FGD5: variants seen among roughly 807,000 people sequenced by gnomAD.
FGD5 encodes the protein FYVE, RhoGEF and PH domain containing 5.
Under a neutral mutation model 133.4 loss-of-function variants are expected in FGD5, and 28 were observed. The observed-to-expected ratio is 0.21, with a 90% CI of 0.16 to 0.29. The LOEUF is 0.29. Among genes scored for constraint, FGD5 ranks in the 10% least tolerant of loss-of-function variants. FGD5 has a pLI of 1.00. For synonymous variants in FGD5, 810 were observed against 776.5 expected (o/e 1.04, Z -0.72); for missense variants, 1,858 against 1,895.2 (o/e 0.98, Z 0.36).
intron 19 of FGD5, 125 bp from the exon 20 acceptor site, chr3:14,933,006 C>A: frequency 3.4e-6 from 4 of 1,179,916 alleles, no homozygotes; most frequent in Non-Finnish European, 4.9e-6. Flanking sequence ...GAAACAAATA[C>A]AATTACGACA....
intron 13 of FGD5, among the ~76,000 whole-genome samples, chr3:14,919,385 G>A (rs1485520664): frequency 6.6e-6 from 1 of 152,218 alleles, no homozygotes; most frequent in Non-Finnish European, 1.5e-5. Context: ...TTGGGAGGCC[G>A]AGGCGGATGG....
chr3:14,859,292 C>T (rs928830015), intron 1 of FGD5, among the ~76,000 whole-genome samples: 1 of 152,218 alleles, frequency 6.6e-6, no homozygotes, highest in Admixed American at 6.5e-5. Flanking sequence ...CACAGTGGCT[C>T]GTGCCTGTAA....
rs1189337376 is a variant in FGD5 at position 14,897,658 on chromosome 3, G to A, written c.2898G>A (p.Arg966=). ...HQGILEELEE[R]LSNWESQQKV... is the part of the protein sequence containing the mutation. ...GCATCCTGGAGGAGCTGGAGGAAAG[G>A]CTGTCAAATTGGTGAGCAGTCCCTG... The change falls in exon 5 of 20, where the codon AGG becomes AGA. Residue 966 remains arginine, a synonymous_variant. Transcript: ENST00000285046. The A allele has an allele frequency of 3.1e-6, 5 of 1,603,498 alleles. No homozygotes were observed. Among genetic ancestry groups the A allele is most frequent in the African/African-American group, 2.7e-5 (2 of 74,646 alleles).
intron 1 of FGD5, among the ~76,000 whole-genome samples, chr3:14,837,652 A>G (rs2036842972): frequency 6.6e-6 from 1 of 152,098 alleles, no homozygotes. Flanking sequence ...AAGTATTTGC[A>G]GGCTTTCTGA....
chr3:14,880,935 A>G (rs2037813347), intron 4 of FGD5, among the ~76,000 whole-genome samples, 163 bp downstream of exon 4: 1 of 152,208 alleles, frequency 6.6e-6, no homozygotes, highest in Non-Finnish European at 1.5e-5. Flanking sequence ...TCTCCTGATT[A>G]ATGTGCTTCC....
At chr3:14,916,152 G>T (rs1311536697) in intron 11 of FGD5, among the ~76,000 whole-genome samples, 1 of 152,220 alleles carries the variant, frequency 6.6e-6, no homozygotes, top group Non-Finnish European at 1.5e-5. Context: ...GTTAATGTTG[G>T]TCACATATAG....
intron 11 of FGD5, among the ~76,000 whole-genome samples, chr3:14,913,946 C>G (rs898877319): frequency 7.3e-6 from 1 of 137,436 alleles, no homozygotes; most frequent in African/African-American, 2.7e-5. Flanking sequence ...TCCCCACACT[C>G]CCCCCGTCTG....
At chr3:14,866,203 C>T (rs1229159822) in intron 2 of FGD5, among the ~76,000 whole-genome samples, 2 of 152,158 alleles carry the variant, frequency 1.3e-5, no homozygotes, top group Non-Finnish European at 2.9e-5. Flanking sequence ...GCCAGTCATT[C>T]CCCATCTCTG....
chr3:14,930,211 A>G (rs529519337), intron 18 of FGD5, among the ~76,000 whole-genome samples: 9 of 152,280 alleles, frequency 5.9e-5, no homozygotes, highest in African/African-American at 2.2e-4. Context: ...ATATTTACCA[A>G]TCCTTATGCC....
rs371894032 is a variant in FGD5, at chr3:14,820,162, C to T, written c.1091C>T (p.Pro364Leu). 1 of 1,614,014 alleles carries T rather than the reference C, an allele frequency of 6.2e-7. No homozygotes were observed. Among genetic ancestry groups the T allele is most frequent in the African/African-American group, 1.3e-5 (1 of 75,054 alleles). ...STSFCSESCSPLSESAKGLES... is the reference protein window; with the variant it reads ...STSFCSESCSLLSESAKGLES... ...TCTTTTTGCAGCGAGAGCTGTTCTC[C>T]TCTTTCTGAATCAGCGAAAGGTTTA... The change falls in exon 1 of 20, where the codon CCT (proline) becomes CTT (leucine). Residue 364 changes from proline (P) to leucine (L), a missense_variant. Pro to Leu is a moderately conservative substitution (Grantham distance 98). Transcript: ENST00000285046.
intron 1 of FGD5, among the ~76,000 whole-genome samples, chr3:14,862,033 A>G (rs2037407729): frequency 6.6e-6 from 1 of 152,068 alleles, no homozygotes; most frequent in African/African-American, 2.4e-5. Flanking sequence ...TGTGCTAGAG[A>G]TGCTAGATGT....
intron 7 of FGD5, among the ~76,000 whole-genome samples, chr3:14,899,058 AC>A (rs1476571460): frequency 2.7e-5 from 4 of 150,812 alleles, no homozygotes; most frequent in Non-Finnish European, 4.4e-5. Context: ...AAACACAAAA[AC>A]CCAACGACAC....
At chr3:14,906,658 TG>T (rs2038348164) in intron 9 of FGD5, among the ~76,000 whole-genome samples, 1 of 152,258 alleles carries the variant, frequency 6.6e-6, no homozygotes, top group Admixed American at 6.5e-5. Context: ...TACTCTAAAC[TG>T]GCACCAGCCC....
At chr3:14,833,527 C>A (rs2036758275) in intron 1 of FGD5, among the ~76,000 whole-genome samples, 1 of 152,168 alleles carries the variant, frequency 6.6e-6, no homozygotes, top group Non-Finnish European at 1.5e-5. Context: ...AGTGAGCTCC[C>A]CATCATGATC....
chr3:14,888,634 A>G (rs1038147607), intron 4 of FGD5, among the ~76,000 whole-genome samples: 1 of 152,270 alleles, frequency 6.6e-6, no homozygotes, highest in Non-Finnish European at 1.5e-5. Context: ...AGATTAGAGT[A>G]GCGCCCTTCA....
At position 14,922,503 on chromosome 3, in the gene FGD5, C is replaced by T. The variant is rs377189299; in HGVS notation, c.3762C>T (p.Asp1254=). 2.7e-5 allele frequency: 43 copies of T among 1,582,912 alleles called. No individual in the cohort carries two copies. In the African/African-American group the frequency reaches 5.8e-4, roughly 21 times the overall value. ...HVMMCMNCGC[D]FSLTLRRHHC... is the part of the protein sequence containing the mutation. ...TGATGTGCATGAACTGCGGCTGCGA[C>T]TTCTCCCTCACCCTGCGGCGTCATC... The change falls in exon 15 of 20, where the codon GAC becomes GAT. Residue 1254 remains aspartate (D), a synonymous_variant. Transcript: ENST00000285046. The surrounding 1 kb of genome is among the most constrained non-coding windows in gnomAD (Gnocchi z 4.1).
At chr3:14,883,057 G>A (rs2037857047) in intron 4 of FGD5, among the ~76,000 whole-genome samples, 1 of 152,154 alleles carries the variant, frequency 6.6e-6, no homozygotes, top group Admixed American at 6.5e-5. Context: ...ATTGTTGTTG[G>A]GGGCGCGGAG....
intron 12 of FGD5, 111 bp from the exon 13 acceptor site, chr3:14,918,643 A>T: frequency 9.4e-7 from 1 of 1,058,854 alleles, no homozygotes; most frequent in Non-Finnish European, 1.4e-6. Flanking sequence ...CTGAGGCTAG[A>T]GAACGGCAGT....
intron 1 of FGD5, among the ~76,000 whole-genome samples, chr3:14,812,010 GTGTGTGTGTGTGTGTGTGTGTATGTA>G (rs2036302121): frequency 1.1e-5 from 1 of 89,542 alleles, no homozygotes; most frequent in African/African-American, 3.7e-5. Flanking sequence ...TGGTGTGTGT[GTGTGTGTGTGTGTGTGTGTGTATGTA>G]TGTGTGTGTG....
Sources: allele counts gnomAD v4.1 joint callset (sites outside exome capture counted in the v4.1 genomes callset), GRCh38; gene constraint gnomAD v4.1.1; non-coding constraint Gnocchi (gnomAD v3.1); transcripts MANE v1.5; gene names NCBI Gene and HGNC (gene_info 2026-07-23, HGNC 2026-07-21).